KLF12: variants seen among roughly 807,000 people sequenced by gnomAD.
The protein encoded by KLF12 is Krueppel-like factor 12.
Under a neutral mutation model 37.8 loss-of-function variants are expected in KLF12, and 9 were observed. The observed-to-expected ratio is 0.24, with a 90% CI of 0.14 to 0.42. The LOEUF (loss-of-function observed/expected upper bound fraction) is 0.42. KLF12 is among the 10% of genes least tolerant of loss of function. The pLI, the probability that KLF12 is intolerant of heterozygous loss-of-function variation, is 1.00. For missense variants in KLF12, 411 were observed against 516.0 expected, an observed-to-expected ratio of 0.80 and a Z score of 1.97; for synonymous variants, 208 against 202.1, an observed-to-expected ratio of 1.03 and a Z score of -0.25.
intron 1 of KLF12, among the ~76,000 whole-genome samples, chr13:74,075,096 G>T (rs1161560751): frequency 6.6e-6 from 1 of 152,000 alleles, no homozygotes; most frequent in African/African-American, 2.4e-5. Context: ...AAGTGTTGAA[G>T]GAAGGAATAA....
In KLF12 at chr13:73,849,377, A is replaced by C. The variant is rs1207220919; in HGVS notation, c.124-3004T>G. Reference sequence around the variant, plus strand: ...TTGGGCAACAGAGGGAGACTCCATAAAAAAAAAAAAAAAAAAAAAAAAAGC... The same window carrying C: ...TTGGGCAACAGAGGGAGACTCCATACAAAAAAAAAAAAAAAAAAAAAAAGC... On this transcript the variant is annotated intron_variant, in intron 3 of 7. Coordinates refer to ENST00000377669, the MANE Select transcript of KLF12 (RefSeq NM_007249.5). 3.3e-3 allele frequency among the ~76,000 whole-genome samples: 90 copies of C among 27,420 alleles called. 3 individuals are homozygous for C. Among genetic ancestry groups the C allele is most frequent in the African/African-American group, 5.1e-3 (76 of 15,016 alleles). The allele number at this position is 27,420 out of a possible 152,430, so 18.0% of individuals were successfully genotyped here.
At chr13:73,863,763 T>C (rs761643612) in intron 3 of KLF12, among the ~76,000 whole-genome samples, 20 of 152,230 alleles carry the variant, frequency 1.3e-4, no homozygotes, top group Non-Finnish European at 2.9e-4. Flanking sequence ...TCTGGGGCCA[T>C]ACATATTCAG....
chr13:74,260,574 T>TA, the KLF12 span, among the ~76,000 whole-genome samples: 14,131 of 100,222 alleles, frequency 0.14, 1,510 homozygotes, highest in African/African-American at 0.33. Flanking sequence ...TAAAATAAAA[T>TA]AAATAAAATA....
the KLF12 span, chr13:74,258,414 T>C: frequency 1.3e-5 from 2 of 152,200 alleles, no homozygotes; most frequent in African/African-American, 4.8e-5. Flanking sequence ...GTGTGTGTTT[T>C]AGGTCTTTAT....
intron 3 of KLF12, among the ~76,000 whole-genome samples, chr13:73,878,878 TG>T (rs921238944): frequency 1.3e-5 from 2 of 151,992 alleles, no homozygotes; most frequent in African/African-American, 4.8e-5. Context: ...GCAGGAAACA[TG>T]GGAGGAGCTA....
At chr13:73,702,672 AT>A (rs1427689667) in intron 7 of KLF12, among the ~76,000 whole-genome samples, 1 of 152,204 alleles carries the variant, frequency 6.6e-6, no homozygotes, top group Non-Finnish European at 1.5e-5. Flanking sequence ...TTTAACTTTT[AT>A]AAAGTTACGG....
chr13:74,255,186 T>A, the KLF12 span, among the ~76,000 whole-genome samples: 1 of 152,220 alleles, frequency 6.6e-6, no homozygotes, highest in African/African-American at 2.4e-5. Context: ...TTATTCATTT[T>A]AAGACCCCAT....
At chr13:73,946,205 G>C (rs1215140006) in intron 2 of KLF12, among the ~76,000 whole-genome samples, 1 of 152,156 alleles carries the variant, frequency 6.6e-6, no homozygotes. Context: ...GAGAAGGCAA[G>C]AAGATGCCTT....
At chr13:74,058,342 C>T (rs1282349031) in intron 1 of KLF12, among the ~76,000 whole-genome samples, 2 of 140,644 alleles carry the variant, frequency 1.4e-5, no homozygotes, top group Admixed American at 7.6e-5. Context: ...GAATTTATCT[C>T]ATAATTTTAT....
intron 4 of KLF12, among the ~76,000 whole-genome samples, chr13:73,840,131 T>C (rs2138645626): frequency 6.6e-6 from 1 of 152,298 alleles, no homozygotes; most frequent in African/African-American, 2.4e-5. Context: ...AAATGCACAA[T>C]TCTCGGTCCT....
At chr13:74,208,849 G>C in the KLF12 span, among the ~76,000 whole-genome samples, 1 of 152,084 alleles carries the variant, frequency 6.6e-6, no homozygotes, top group African/African-American at 2.4e-5. Flanking sequence ...CTTTAAGAAA[G>C]AGTGAAGGGG....
chr13:74,088,655 C>T (rs964634710), intron 1 of KLF12, among the ~76,000 whole-genome samples: 8 of 152,142 alleles, frequency 5.3e-5, no homozygotes, highest in African/African-American at 1.7e-4. Flanking sequence ...GAGCACAGTG[C>T]TGGGGTTCTG....
the KLF12 span, among the ~76,000 whole-genome samples, chr13:74,191,800 T>C: frequency 6.6e-6 from 1 of 152,198 alleles, no homozygotes; most frequent in African/African-American, 2.4e-5. Context: ...ATATAAGCTA[T>C]AAAATTTACC....
chr13:74,291,477 C>T, the KLF12 span, among the ~76,000 whole-genome samples: 1 of 152,310 alleles, frequency 6.6e-6, no homozygotes, highest in South Asian at 2.1e-4. Flanking sequence ...TGGGCAAAGT[C>T]ACATCCTCAG....
intron 5 of KLF12, 35 bp downstream of exon 5, chr13:73,813,117 C>G: frequency 6.2e-7 from 1 of 1,608,398 alleles, no homozygotes; most frequent in Non-Finnish European, 8.5e-7. Context: ...AACACCTTGG[C>G]AATTCTTAAT....
chr13:73,918,467 T>C lies in KLF12; in HGVS notation c.123+25514A>G, dbSNP rs572805162. Among the ~76,000 whole-genome samples, 6 of 152,282 alleles carry C rather than the reference T, an allele frequency of 3.9e-5. 1 individual carries two copies. The South Asian group carries it at 1.2e-3, about 32-fold the overall frequency. ...TAAATGCCTACTAACTTAAGGCACA[T>C]TTCTCACCTCATCCCCCAGTACTAT... On this transcript the variant is annotated intron_variant, in intron 3 of 7. Coordinates refer to ENST00000377669, the MANE Select transcript of KLF12 (RefSeq NM_007249.5).
the KLF12 span, chr13:74,258,555 C>T: frequency 4.6e-5 from 7 of 152,046 alleles, no homozygotes; most frequent in African/African-American, 7.2e-5. Context: ...TTTTTGTAAA[C>T]GCGGGATCAT....
intron 1 of KLF12, among the ~76,000 whole-genome samples, chr13:74,054,769 C>A (rs1255217710): frequency 6.6e-6 from 1 of 152,164 alleles, no homozygotes; most frequent in Non-Finnish European, 1.5e-5. Context: ...ACTTTCCATT[C>A]TTGATAGAAT....
In KLF12 at chr13:73,962,943, AT is replaced by A. The variant is rs1891063874; in HGVS notation, c.34-18874del. Among the ~76,000 whole-genome samples, 5 of 152,316 alleles carry A rather than the reference AT, an allele frequency of 3.3e-5. No homozygotes were observed. In the South Asian group the frequency reaches 1.0e-3, roughly 32 times the overall value. ...AAGAAACAGACCATTCTCTCACACAATTTTATATTACTTAAGCATACTTGTA... is the reference window on the plus strand; with the variant it reads ...AAGAAACAGACCATTCTCTCACACAATTTATATTACTTAAGCATACTTGTA... On this transcript the variant is annotated intron_variant, in intron 2 of 7. Coordinates refer to ENST00000377669, the MANE Select transcript of KLF12 (RefSeq NM_007249.5).
Sources: allele counts gnomAD v4.1 joint callset (sites outside exome capture counted in the v4.1 genomes callset), GRCh38; gene constraint gnomAD v4.1.1; transcripts MANE v1.5; gene names NCBI Gene and HGNC (gene_info 2026-07-23, HGNC 2026-07-21).